UGGT2: variants seen among roughly 807,000 people sequenced by gnomAD.
UGGT2 encodes UDP-glucose glycoprotein glucosyltransferase 2.
In UGGT2, 180 loss-of-function variants were observed where a neutral mutation model predicts 192.1. The ratio of observed to expected loss-of-function variants is 0.94; its 90% confidence interval spans 0.83 to 1.06. The LOEUF is 1.06. Among genes scored for constraint, UGGT2 ranks in the 50% least tolerant of loss-of-function variants. The probability of loss-of-function intolerance (pLI) is 0.00; values close to 1 mark genes in which losing one functional copy is unlikely to be tolerated. For synonymous variants in UGGT2, 580 were observed against 591.0 expected (o/e 0.98, Z 0.27); for missense variants, 1,849 against 1,795.7 (o/e 1.03, Z -0.54).
At chr13:95,932,232 T>A (rs956923362) in intron 17 of UGGT2, among the ~76,000 whole-genome samples, 2 of 152,156 alleles carry the variant, frequency 1.3e-5, no homozygotes, top group African/African-American at 4.8e-5. Flanking sequence ...TAATATATGA[T>A]CACTTTCAGC....
chr13:95,846,487 CTT>C (rs1178608776), intron 36 of UGGT2, among the ~76,000 whole-genome samples: 2 of 152,176 alleles, frequency 1.3e-5, no homozygotes, highest in East Asian at 3.9e-4. Flanking sequence ...TTACTTAAAA[CTT>C]TGTTAACAAT....
Position 95,884,065 on chromosome 13 carries a change from C to CAAAAA in UGGT2, c.3228+421_3228+425dup, listed in dbSNP as rs35937679. On this transcript the variant is annotated intron_variant, in intron 27 of 38. Coordinates refer to ENST00000376747, the MANE Select transcript of UGGT2 (RefSeq NM_020121.4). Reference sequence around the variant, plus strand: ...TTTCTCTGGCTATGAGCTGTGAGGCCAAAAAAAAAAAAAAAAAAAAACCAA... The same window carrying CAAAAA: ...TTTCTCTGGCTATGAGCTGTGAGGCCAAAAAAAAAAAAAAAAAAAAAAAAAACCAA... Among the ~76,000 whole-genome samples the CAAAAA allele has an allele frequency of 7.4e-4, 55 of 73,886 alleles. 1 individual carries two copies. The highest frequency in any genetic ancestry group is 1.0e-3 in the Non-Finnish European group (40 of 38,980). 48.5% of individuals were successfully genotyped at this position (73,886 alleles called of 152,430 possible). A position where few individuals can be genotyped will look rare whatever the true frequency, so the allele number is the denominator to read the frequency against.
chr13:95,931,557 G>A (rs2049271012), intron 17 of UGGT2, among the ~76,000 whole-genome samples: 1 of 151,844 alleles, frequency 6.6e-6, no homozygotes, highest in South Asian at 2.1e-4. Flanking sequence ...GGGTGGGGTG[G>A]GGGTGGGGGG....
intron 12 of UGGT2, among the ~76,000 whole-genome samples, chr13:95,961,561 C>T (rs2050392859): frequency 2.0e-5 from 3 of 152,052 alleles, no homozygotes; most frequent in Non-Finnish European, 4.4e-5. Context: ...CACTCCTAAA[C>T]ATATATGCAC....
intron 4 of UGGT2, 81 bp from the exon 5 acceptor site, chr13:96,013,562 A>G (rs2052234512): frequency 1.1e-6 from 1 of 908,640 alleles, no homozygotes; most frequent in African/African-American, 1.7e-5. Flanking sequence ...CTGCTTATCA[A>G]ACAATTCATA....
intron 2 of UGGT2, among the ~76,000 whole-genome samples, chr13:96,028,600 T>C (rs1395839468): frequency 6.6e-6 from 1 of 152,216 alleles, no homozygotes; most frequent in Non-Finnish European, 1.5e-5. Flanking sequence ...AGGCAATTCA[T>C]TGCTTAAAAA....
In UGGT2 at chr13:95,849,542, CAA is replaced by C. The variant is rs35734084; in HGVS notation, c.4284+3999_4284+4000del. On this transcript the variant is annotated intron_variant, in intron 36 of 38. Transcript: ENST00000376747. ...TGGGCAACAGAGTGAGACTCTGTCTCAAAAAAAAAAAAAAAAAAGTATCTTAT... is the reference window on the plus strand; with the variant it reads ...TGGGCAACAGAGTGAGACTCTGTCTCAAAAAAAAAAAAAAAAGTATCTTAT... Among the ~76,000 whole-genome samples, 549 of 103,878 alleles carry C rather than the reference CAA, an allele frequency of 5.3e-3. 3 individuals carry two copies. Among genetic ancestry groups the C allele is most frequent in the African/African-American group, 0.017 (468 of 26,848 alleles). The allele number at this position is 103,878 out of a possible 152,430, so 68.1% of individuals were successfully genotyped here. A position where few individuals can be genotyped will look rare whatever the true frequency, so the allele number is the denominator to read the frequency against.
At chr13:95,915,816 A>G (rs2140371407) in intron 20 of UGGT2, among the ~76,000 whole-genome samples, 2 of 152,262 alleles carry the variant, frequency 1.3e-5, no homozygotes, top group East Asian at 3.9e-4. Flanking sequence ...CAGGACCCCA[A>G]TCCATTCCTC....
At chr13:96,052,011 G>C (rs2053500316) in intron 1 of UGGT2, among the ~76,000 whole-genome samples, 1 of 152,124 alleles carries the variant, frequency 6.6e-6, no homozygotes, top group Admixed American at 6.6e-5. Flanking sequence ...TCATGAAAAA[G>C]ATAGTTGCAC....
rs139452594 is a variant in UGGT2, at chr13:95,939,246, C to T, written c.1812+711G>A. Among the ~76,000 whole-genome samples, 481 of 152,286 alleles carry T rather than the reference C, an allele frequency of 3.2e-3. 3 individuals carry two copies. The highest frequency in any genetic ancestry group is 0.011 in the African/African-American group (459 of 41,566). ...ATTTTTCTGACTGGAATGTTAATCT[C>T]TTACAACCCCCTTGTTTTCTTTTGT... On this transcript the variant is annotated intron_variant, in intron 16 of 38. Transcript: ENST00000376747.
chr13:95,807,131 T>A (rs1441483249), intron 38 of UGGT2, among the ~76,000 whole-genome samples: 1 of 152,202 alleles, frequency 6.6e-6, no homozygotes, highest in South Asian at 2.1e-4. Flanking sequence ...ATATTTTGTA[T>A]ATGTATTATA....
intron 20 of UGGT2, among the ~76,000 whole-genome samples, chr13:95,911,544 G>A (rs574797286): frequency 1.1e-3 from 167 of 152,238 alleles, no homozygotes; most frequent in African/African-American, 3.7e-3. Flanking sequence ...GGAAGAAGCT[G>A]AATCTCTGAA....
At chr13:95,987,070 A>G (rs1447923925) in intron 8 of UGGT2, among the ~76,000 whole-genome samples, 2 of 152,138 alleles carry the variant, frequency 1.3e-5, no homozygotes, top group Non-Finnish European at 2.9e-5. Flanking sequence ...CTCAACAGTG[A>G]GGCAGATTGT....
chr13:95,997,612 C>T (rs1383973398), intron 6 of UGGT2, among the ~76,000 whole-genome samples: 3 of 151,730 alleles, frequency 2.0e-5, no homozygotes, highest in Non-Finnish European at 4.4e-5. Context: ...CACTGCACTC[C>T]AGCCTGGGTG....
chr13:95,929,931 A>G (rs1279677420), intron 17 of UGGT2, among the ~76,000 whole-genome samples: 1 of 152,152 alleles, frequency 6.6e-6, no homozygotes, highest in Non-Finnish European at 1.5e-5. Context: ...CTTCCTCCTC[A>G]GCCTCACCAG....
intron 4 of UGGT2, among the ~76,000 whole-genome samples, chr13:96,021,776 T>A (rs2052522625): frequency 6.6e-6 from 1 of 152,152 alleles, no homozygotes; most frequent in Admixed American, 6.5e-5. Flanking sequence ...AAATAATTGA[T>A]AAAATAAAGC....
chr13:95,831,131 G>C (rs1005702453), intron 38 of UGGT2, among the ~76,000 whole-genome samples: 13 of 152,142 alleles, frequency 8.5e-5, no homozygotes, highest in African/African-American at 2.9e-4. Context: ...CTTGTTGTGG[G>C]GTGGGGGTAG....
chr13:96,049,851 T>C (rs907861975), intron 1 of UGGT2, among the ~76,000 whole-genome samples: 7 of 152,246 alleles, frequency 4.6e-5, no homozygotes, highest in Admixed American at 2.6e-4. Context: ...AATGGAAGAA[T>C]ATTCCATGCT....
At chr13:95,867,496 C>T in intron 29 of UGGT2, 73 bp from the exon 30 acceptor site, 3 of 1,266,268 alleles carry the variant, frequency 2.4e-6, no homozygotes, top group Admixed American at 2.2e-5. Context: ...ACAGAATAAA[C>T]TCATTTTGCA....
Sources: gnomAD v4.1 joint callset for allele counts (sites outside exome capture counted in the v4.1 genomes callset) on GRCh38, gnomAD v4.1.1 for gene constraint, MANE v1.5 for transcripts, NCBI Gene and HGNC (gene_info 2026-07-23, HGNC 2026-07-21) for gene names.